Variants in TUBB6 observed in about 807,000 individuals in gnomAD.
TUBB6 encodes the protein tubulin beta-6 chain.
In TUBB6, 18 loss-of-function variants were observed where a neutral mutation model predicts 32.3. The observed-to-expected ratio is 0.56, with a 90% confidence interval of 0.39 to 0.83. TUBB6 has a LOEUF of 0.83. Ranked by LOEUF, TUBB6 falls within the 40% of genes least tolerant of loss-of-function variation. The pLI, the probability that TUBB6 is intolerant of heterozygous loss-of-function variation, is 0.00. For missense variants in TUBB6, 480 were observed against 632.0 expected (o/e 0.76, Z 2.58); for synonymous variants, 280 against 265.8 (o/e 1.05, Z -0.52).
At chr18:12,317,220 G>A (rs554105683) in intron 3 of TUBB6, among the ~76,000 whole-genome samples, 6 of 151,998 alleles carry the variant, frequency 3.9e-5, no homozygotes, top group Non-Finnish European at 8.8e-5. Flanking sequence ...CCAACACTTT[G>A]GGAGGCTGAG....
intron 3 of TUBB6, among the ~76,000 whole-genome samples, chr18:12,313,345 A>G (rs1311849051): frequency 6.6e-6 from 1 of 152,252 alleles, no homozygotes; most frequent in Non-Finnish European, 1.5e-5. Flanking sequence ...CTATCAGCTG[A>G]AAAATGACTA....
At chr18:12,319,310 A>C (rs1043998146) in intron 3 of TUBB6, among the ~76,000 whole-genome samples, 1 of 151,640 alleles carries the variant, frequency 6.6e-6, no homozygotes, top group Non-Finnish European at 1.5e-5. Flanking sequence ...CACCCAGCTA[A>C]TTTTTTGTAT....
At chr18:12,313,295 A>C (rs536235441) in intron 3 of TUBB6, among the ~76,000 whole-genome samples, 15 of 152,360 alleles carry the variant, frequency 9.8e-5, no homozygotes, top group Non-Finnish European at 1.6e-4. Context: ...CAAAAGTGTT[A>C]TTTGTTGATG....
At chr18:12,311,658 T>C (rs903227814) in intron 3 of TUBB6, among the ~76,000 whole-genome samples, 1 of 152,178 alleles carries the variant, frequency 6.6e-6, no homozygotes, top group Non-Finnish European at 1.5e-5. Context: ...AGCTTCTTTT[T>C]CCCCATCATT....
chr18:12,312,882 C>T (rs1055290001), intron 3 of TUBB6, among the ~76,000 whole-genome samples: 1 of 151,432 alleles, frequency 6.6e-6, no homozygotes, highest in African/African-American at 2.4e-5. Context: ...GCCTGTAATC[C>T]CAGCTACTCG....
intron 3 of TUBB6, among the ~76,000 whole-genome samples, chr18:12,324,605 C>G (rs975708147): frequency 2.6e-5 from 4 of 151,810 alleles, no homozygotes; most frequent in African/African-American, 9.7e-5. Flanking sequence ...TCCCCACCAC[C>G]ACGCCCGGCT....
intron 2 of TUBB6, among the ~76,000 whole-genome samples, chr18:12,309,829 ACT>A (rs1365198853): frequency 6.6e-6 from 1 of 152,060 alleles, no homozygotes; most frequent in African/African-American, 2.4e-5. Context: ...ACACAAGAAC[ACT>A]CTGACTCAAA....
chr18:12,316,151 A>G (rs1345982895), intron 3 of TUBB6, among the ~76,000 whole-genome samples: 1 of 152,264 alleles, frequency 6.6e-6, no homozygotes, highest in Non-Finnish European at 1.5e-5. Flanking sequence ...GGACCTGGCC[A>G]GGTCTCAAGA....
At position 12,326,313 on chromosome 18, in the gene TUBB6, T is replaced by G; in HGVS notation, c.*183T>G. The G allele has an allele frequency of 2.1e-6, 2 of 938,796 alleles. No homozygotes were observed. The highest frequency in any genetic ancestry group is 1.5e-6 in the Non-Finnish European group (1 of 653,010). The allele number at this position is 938,796 out of a possible 1,614,324, so 58.2% of individuals were successfully genotyped here. ...ACAAAGACTAAAAACAGCAGAGAATTGCGGGTTCTACCCAGTCAGAAGATC... is the reference window on the plus strand; with the variant it reads ...ACAAAGACTAAAAACAGCAGAGAATGGCGGGTTCTACCCAGTCAGAAGATC... On this transcript the variant is annotated 3_prime_UTR_variant, in exon 4 of 4. Coordinates refer to ENST00000317702, the MANE Select transcript of TUBB6 (RefSeq NM_032525.3).
intron 3 of TUBB6, among the ~76,000 whole-genome samples, chr18:12,317,134 T>G (rs1343944958): frequency 1.2e-4 from 17 of 138,648 alleles, no homozygotes; most frequent in Non-Finnish European, 2.0e-4. Context: ...GCAGCCTGGG[T>G]GATGGAGTGA....
intron 3 of TUBB6, among the ~76,000 whole-genome samples, chr18:12,319,624 G>GTAAT (rs1179802300): frequency 1.3e-5 from 2 of 152,072 alleles, no homozygotes; most frequent in Non-Finnish European, 2.9e-5. Context: ...TCATCATTTA[G>GTAAT]TAATTTCCCA....
At chr18:12,316,394 C>T (rs1368646344) in intron 3 of TUBB6, among the ~76,000 whole-genome samples, 3 of 152,198 alleles carry the variant, frequency 2.0e-5, no homozygotes, top group Admixed American at 1.3e-4. Context: ...CTAATTGTCC[C>T]TGTAAGCCTT....
chr18:12,328,921 A>G (rs1461326702), downstream of TUBB6: 3 of 452,544 alleles, frequency 6.6e-6, no homozygotes, highest in Non-Finnish European at 1.2e-5. Context: ...AAAAATATCC[A>G]GAGCATAAAT....
chr18:12,310,172 T>A (rs1400704699), intron 2 of TUBB6, among the ~76,000 whole-genome samples: 1 of 151,772 alleles, frequency 6.6e-6, no homozygotes, highest in African/African-American at 2.4e-5. Flanking sequence ...GGTTCTAGGA[T>A]TTTTTTTCTT....
At chr18:12,327,671 C>T (rs7504908), downstream of TUBB6, among the ~76,000 whole-genome samples, 42,804 of 152,148 alleles carry the variant, frequency 0.28, 6,645 homozygotes, top group African/African-American at 0.39. Context: ...CAGGGAGCCA[C>T]GGTTGCTCCT....
At position 12,321,542 on chromosome 18, in the gene TUBB6, G is replaced by T. The variant is rs555186043; in HGVS notation, c.278-3525G>T. On this transcript the variant is annotated intron_variant, in intron 3 of 3. Transcript: ENST00000317702. ...GCAGCTCTCAGAGGCAGCCTTGGTG[G>T]TTTCACTGCTTCATAGTTCAGTGCC... 1.2e-4 allele frequency among the ~76,000 whole-genome samples: 19 copies of T among 152,336 alleles called. No homozygotes were observed. The East Asian group carries it at 2.9e-3, about 23-fold the overall frequency.
Position 12,325,813 on chromosome 18 carries a change from G to A in TUBB6, c.1024G>A (p.Val342Met), listed in dbSNP as rs768453338. ...AIQSKNSSYF[V>M]EWIPNNVKVA... Reference sequence around the variant, plus strand: ...CCAGAGTAAGAACAGCAGCTACTTCGTGGAGTGGATTCCCAACAACGTGAA... The same window carrying A: ...CCAGAGTAAGAACAGCAGCTACTTCATGGAGTGGATTCCCAACAACGTGAA... The change falls in exon 4 of 4, where the codon GTG becomes ATG. Residue 342 changes from valine to methionine, a missense_variant. Coordinates refer to ENST00000317702, the MANE Select transcript of TUBB6 (RefSeq NM_032525.3). The A allele has an allele frequency of 3.7e-6, 6 of 1,614,126 alleles. No individual in the cohort carries two copies. The African/African-American group carries it at 4.0e-5, about 11-fold the overall frequency.
At chr18:12,329,220 C>G (rs773895356), downstream of TUBB6, 4 of 702,842 alleles carry the variant, frequency 5.7e-6, no homozygotes, top group South Asian at 5.9e-5. Context: ...CCTTCCCACA[C>G]GCCAAGAGTC....
intron 3 of TUBB6, chr18:12,324,790 G>A: frequency 7.7e-7 from 1 of 1,299,828 alleles, no homozygotes; most frequent in Non-Finnish European, 9.7e-7. Flanking sequence ...TGTTCCCTTT[G>A]AATTCTACCA....
Sources: gnomAD v4.1 joint callset for allele counts (sites outside exome capture counted in the v4.1 genomes callset) on GRCh38, gnomAD v4.1.1 for gene constraint, MANE v1.5 for transcripts, NCBI Gene and HGNC (gene_info 2026-07-23, HGNC 2026-07-21) for gene names.